RETREG2: variants seen among roughly 807,000 people sequenced by gnomAD.
RETREG2 encodes reticulophagy regulator 2.
Under a neutral mutation model 51.6 loss-of-function variants are expected in RETREG2, and 21 were observed. That is an observed-to-expected ratio of 0.41 (90% CI 0.29 to 0.59). The LOEUF is 0.59. RETREG2 is among the 20% of genes least tolerant of loss of function. The pLI is 0.34. For missense variants in RETREG2, 674 were observed against 646.0 expected, an observed-to-expected ratio of 1.04 and a Z score of -0.47; for synonymous variants, 339 against 288.6, an observed-to-expected ratio of 1.17 and a Z score of -1.77.
chr2:219,178,672 G>C lies in RETREG2; in HGVS notation c.281+39G>C, dbSNP rs576521073. On this transcript the variant is annotated intron_variant, in intron 1 of 8. Coordinates refer to ENST00000430297, the MANE Select transcript of RETREG2 (RefSeq NM_024293.6). ...AGGAGGGGGCGGGGCCGGGATGAGC[G>C]GGGGAGGGAGGGGTCGAGAGCACCA... 2.3e-4 allele frequency: 326 copies of C among 1,420,282 alleles called. 1 individual carries two copies. Among genetic ancestry groups the C allele is most frequent in the Middle Eastern group, 2.6e-4 (1 of 3,870 alleles). The allele number at this position is 1,420,282 out of a possible 1,614,324, so 88.0% of individuals were successfully genotyped here.
In RETREG2 at chr2:219,181,374, CAG is replaced by C; in HGVS notation, c.791_792del (p.Gln264ArgfsTer9). 2 of 1,613,914 alleles carry C rather than the reference CAG, an allele frequency of 1.2e-6. No homozygotes were observed. Among genetic ancestry groups the C allele is most frequent in the Non-Finnish European group, 1.7e-6 (2 of 1,179,976 alleles). The stretch of plus-strand genomic sequence containing the variant: ...TACTACTCTTGCTTTTCTAGAGCGT[CAG>C]GGGAAGAATGCACCCCCAGGAGGTG... ...LHHKHDKRKRQGKNAPPGGDE... is the reference protein window; with the variant it reads ...LHHKHDKRKRXGKNAPPGGDE... On this transcript the variant is annotated frameshift_variant, in exon 7 of 9. Transcript: ENST00000430297. LOFTEE classifies it high-confidence loss of function.
intron 3 of RETREG2, 25 bp from the exon 4 acceptor site, chr2:219,180,085 C>T: frequency 6.2e-7 from 1 of 1,613,406 alleles, no homozygotes; most frequent in South Asian, 1.1e-5. Flanking sequence ...CTGAGGCCTC[C>T]AGGGGTCATG....
intron 4 of RETREG2, 37 bp from the exon 5 acceptor site, chr2:219,180,633 C>G: frequency 6.2e-7 from 1 of 1,614,032 alleles, no homozygotes; most frequent in Non-Finnish European, 8.5e-7. Flanking sequence ...GCGCATATCT[C>G]AGCGTGATGT....
At chr2:219,180,565 T>C (rs1950263647) in intron 4 of RETREG2, 105 bp from the exon 5 acceptor site, 1 of 1,584,736 alleles carries the variant, frequency 6.3e-7, no homozygotes, top group Admixed American at 1.7e-5. Context: ...CCCCATTCCT[T>C]GAGTACATAC....
In RETREG2 at chr2:219,181,481, CG is replaced by C. The variant is rs750599760; in HGVS notation, c.879+23del. The C allele has an allele frequency of 3.1e-6, 5 of 1,612,486 alleles. No homozygotes were observed. The highest frequency in any genetic ancestry group is 2.2e-5 in the East Asian group (1 of 44,868). On this transcript the variant is annotated intron_variant, in intron 7 of 8. Coordinates refer to ENST00000430297, the MANE Select transcript of RETREG2 (RefSeq NM_024293.6). ...CCCCAGTGGTGAGGTCCAGGGAAAG[CG>C]GGGGTGTCAAATAGAAAGCCAGAGG...
rs1950302673 is a variant in RETREG2, at chr2:219,182,819, G to A, written c.*190G>A. 3.1e-6 allele frequency: 2 copies of A among 646,786 alleles called. No homozygotes were observed. Among genetic ancestry groups the A allele is most frequent in the South Asian group, 4.0e-5 (2 of 50,260 alleles). 40.1% of individuals were successfully genotyped at this position (646,786 alleles called of 1,614,324 possible). A position where few individuals can be genotyped will look rare whatever the true frequency, so the allele number is the denominator to read the frequency against. On this transcript the variant is annotated 3_prime_UTR_variant, in exon 9 of 9. Coordinates refer to ENST00000430297, the MANE Select transcript of RETREG2 (RefSeq NM_024293.6). ...GGCATGGTGCAGTACCTGTGCCTAG[G>A]ATTGGTTTTAAATTTGTAAATAATT... is the stretch of plus-strand genomic sequence containing the variant.
At chr2:219,180,970 C>CT in intron 5 of RETREG2, 92 bp from the exon 6 acceptor site, 1 of 1,556,080 alleles carries the variant, frequency 6.4e-7, no homozygotes, top group Admixed American at 1.8e-5. Context: ...AGGACCTTGC[C>CT]TACCTTCAGC....
chr2:219,178,710 G>A lies in RETREG2; in HGVS notation c.281+77G>A, dbSNP rs559102953. On this transcript the variant is annotated intron_variant, in intron 1 of 8. Coordinates refer to ENST00000430297, the MANE Select transcript of RETREG2 (RefSeq NM_024293.6). The stretch of plus-strand genomic sequence containing the variant: ...GTCGAGAGCACCATTCCCCTTTCTG[G>A]GTTATCACTTGGCCTGGGGGCATGA... 1.0e-5 allele frequency: 14 copies of A among 1,387,548 alleles called. No individual in the cohort carries two copies. The East Asian group carries it at 3.3e-4, about 32-fold the overall frequency. The allele number at this position is 1,387,548 out of a possible 1,614,324, so 86.0% of individuals were successfully genotyped here.
At position 219,182,167 on chromosome 2, in the gene RETREG2, G is replaced by A. The variant is rs770835904; in HGVS notation, c.1170G>A (p.Glu390=). ...CCCTGGACTCGGAGGAAGAGGAAGA[G>A]GATGTGGCAGCTAAGGAAACCTTGT... ...RQALDSEEEE[E]DVAAKETLLR... is the part of the protein sequence containing the mutation. Residue 390 remains glutamate, a synonymous_variant, in exon 9 of 9, where the codon GAG becomes GAA. Transcript: ENST00000430297. The A allele has an allele frequency of 8.1e-6, 13 of 1,614,064 alleles. No individual in the cohort carries two copies. The highest frequency in any genetic ancestry group is 1.7e-5 in the Admixed American group (1 of 60,008).
At position 219,181,762 on chromosome 2, in the gene RETREG2, T is replaced by C. The variant is rs771264465; in HGVS notation, c.1002T>C (p.Thr334=). The C allele has an allele frequency of 2.5e-6, 4 of 1,613,860 alleles. No individual in the cohort carries two copies. The Admixed American group carries it at 6.7e-5, about 27-fold the overall frequency. The change falls in exon 8 of 9, where the codon ACT becomes ACC. Residue 334 remains threonine (T), a synonymous_variant. Coordinates refer to ENST00000430297, the MANE Select transcript of RETREG2 (RefSeq NM_024293.6). The stretch of plus-strand genomic sequence containing the variant: ...CCCGGGCCACAACTCCGCAGCTGAC[T>C]GATGTCTCCGAGGGTATGGGGAGCC... ...SVSRATTPQL[T]DVSEDLDQQS...
intron 1 of RETREG2, 59 bp downstream of exon 1, chr2:219,178,692 G>A: frequency 7.1e-7 from 1 of 1,399,680 alleles, no homozygotes; most frequent in Non-Finnish European, 9.3e-7. Context: ...GGGGTCGAGA[G>A]CACCATTCCC....
chr2:219,179,980 A>G, intron 3 of RETREG2, 130 bp from the exon 4 acceptor site: 1 of 1,339,376 alleles, frequency 7.5e-7, no homozygotes, highest in African/African-American at 1.4e-5. Flanking sequence ...TAAGACCAGG[A>G]CAGCCTCCTT....
Position 219,180,191 on chromosome 2 carries a change from C to T in RETREG2, c.501C>T (p.Thr167=). The T allele has an allele frequency of 6.2e-7, 1 of 1,614,214 alleles. No individual in the cohort carries two copies. Among genetic ancestry groups the T allele is most frequent in the Non-Finnish European group, 8.5e-7 (1 of 1,180,046 alleles). ...LCRYLAESWL[T]FQIHLQELLQ... Reference sequence around the variant, plus strand: ...GATACCTGGCTGAGAGCTGGCTCACCTTCCAGATTCACCTGCAGGAGCTGC... The same window carrying T: ...GATACCTGGCTGAGAGCTGGCTCACTTTCCAGATTCACCTGCAGGAGCTGC... The change falls in exon 4 of 9, where the codon ACC becomes ACT. Residue 167 remains threonine, a synonymous_variant. Transcript: ENST00000430297.
intron 3 of RETREG2, 134 bp from the exon 4 acceptor site, chr2:219,179,976 C>T: frequency 4.5e-6 from 6 of 1,320,358 alleles, no homozygotes; most frequent in Non-Finnish European, 6.4e-6. Flanking sequence ...CTTCTAAGAC[C>T]AGGACAGCCT....
Position 219,179,752 on chromosome 2 carries a change from A to G in RETREG2, c.408A>G (p.Pro136=), listed in dbSNP as rs149531761. 3,435 of 1,614,048 alleles carry G rather than the reference A, an allele frequency of 2.1e-3. 14 individuals carry two copies. Among genetic ancestry groups the G allele is most frequent in the Non-Finnish European group, 1.9e-3 (2,198 of 1,179,956 alleles). Residue 136 remains proline (P), a synonymous_variant, in exon 3 of 9, where the codon CCA becomes CCG. Transcript: ENST00000430297. The stretch of plus-strand genomic sequence containing the variant: ...CTCTAGCATCATCCCCAGAGGAGCC[A>G]CACTCTGACAGGTGAGTACAGGCCA... The part of the protein sequence containing the change: ...PDVSASSPEE[P]HSDSEGAGSG...
At chr2:219,179,924 C>T (rs1574782696) in intron 3 of RETREG2, 161 bp downstream of exon 3, 1 of 1,127,832 alleles carries the variant, frequency 8.9e-7, no homozygotes, top group Non-Finnish European at 1.3e-6. Flanking sequence ...TGTTTGCGTG[C>T]CTGCTCCTTT....
In RETREG2 at chr2:219,181,798, C is replaced by CTG. The variant is rs755261305; in HGVS notation, c.1015+24_1015+25dup. On this transcript the variant is annotated intron_variant, in intron 8 of 8. Coordinates refer to ENST00000430297, the MANE Select transcript of RETREG2 (RefSeq NM_024293.6). ...AGGGTATGGGGAGCCCTTTGCTGCC[C>CTG]TGCTCCCCGCCACAATCTTTGTGTT... 1.9e-6 allele frequency: 3 copies of CTG among 1,603,752 alleles called. No homozygotes were observed. In the South Asian group the frequency reaches 3.3e-5, roughly 18 times the overall value.
intron 8 of RETREG2, 54 bp from the exon 9 acceptor site, chr2:219,181,959 G>T: frequency 6.3e-7 from 1 of 1,592,690 alleles, no homozygotes; most frequent in Non-Finnish European, 8.6e-7. Context: ...ATTGTCTGTT[G>T]TGGCTAATCA....
chr2:219,180,190 C>T lies in RETREG2; in HGVS notation c.500C>T (p.Thr167Ile). ...LCRYLAESWL[T>I]FQIHLQELLQ... ...AGATACCTGGCTGAGAGCTGGCTCA[C>T]CTTCCAGATTCACCTGCAGGAGCTG... is the stretch of plus-strand genomic sequence containing the variant. Residue 167 changes from threonine to isoleucine, a missense_variant, in exon 4 of 9, where the codon ACC becomes ATC. Coordinates refer to ENST00000430297, the MANE Select transcript of RETREG2 (RefSeq NM_024293.6). 1 of 1,614,168 alleles carries T rather than the reference C, an allele frequency of 6.2e-7. No homozygotes were observed. Among genetic ancestry groups the T allele is most frequent in the South Asian group, 1.1e-5 (1 of 91,090 alleles).
Sources: gnomAD v4.1 joint callset for allele counts on GRCh38, gnomAD v4.1.1 for gene constraint, MANE v1.5 for transcripts, NCBI Gene and HGNC (gene_info 2026-07-23, HGNC 2026-07-21) for gene names.